PARP11: variants seen among roughly 807,000 people sequenced by gnomAD.
PARP11 encodes the protein poly(ADP-ribose) polymerase family member 11, also known as protein mono-ADP-ribosyltransferase PARP11.
In PARP11, 31 loss-of-function variants were observed where a neutral mutation model predicts 42.9. That is an observed-to-expected ratio of 0.72 (90% confidence interval 0.54 to 0.98). The LOEUF is 0.98. Ranked by LOEUF, PARP11 falls within the 50% of genes least tolerant of loss-of-function variation. PARP11 has a pLI of 0.00. For missense variants in PARP11, 365 were observed against 413.1 expected (o/e 0.88, Z 1.01); for synonymous variants, 137 against 127.3 (o/e 1.08, Z -0.51).
Position 3,873,386 on chromosome 12 carries a change from A to C in PARP11, c.-157T>G, listed in dbSNP as rs935129048. ...CTCCTCCCCCTCCCTGTCACAAGCC[A>C]GCGTTTACAGACCACCCAACCTCCC... On this transcript the variant is annotated 5_prime_UTR_variant, in exon 1 of 8. Coordinates refer to ENST00000228820, the MANE Select transcript of PARP11 (RefSeq NM_020367.6). The C allele has an allele frequency of 7.2e-6, 5 of 696,576 alleles. No homozygotes were observed. The highest frequency in any genetic ancestry group is 1.3e-5 in the Non-Finnish European group (5 of 395,624). 43.1% of individuals were successfully genotyped at this position (696,576 alleles called of 1,614,324 possible).
rs536636056 is a variant in PARP11, at chr12:3,871,348, C to T, written c.18+1864G>A. ...ACCATGGATCGCATATACAAGTGGT[C>T]CCAAAGATTGTTAACACTTTATTTT... On this transcript the variant is annotated intron_variant, in intron 1 of 7. Transcript: ENST00000228820. Among the ~76,000 whole-genome samples, 4 of 152,270 alleles carry T rather than the reference C, an allele frequency of 2.6e-5. No homozygotes were observed. The South Asian group carries it at 8.3e-4, about 32-fold the overall frequency.
intron 7 of PARP11, 23 bp downstream of exon 7, chr12:3,814,014 G>C: frequency 2.0e-6 from 3 of 1,522,766 alleles, no homozygotes; most frequent in Non-Finnish European, 2.7e-6. Context: ...GGCTCAAATT[G>C]GACCTGGAAT....
chr12:3,820,387 G>A (rs576191431), intron 6 of PARP11, among the ~76,000 whole-genome samples: 11 of 152,272 alleles, frequency 7.2e-5, no homozygotes, highest in Admixed American at 2.6e-4. Flanking sequence ...CCCTTATAAT[G>A]AGACTCAGTA....
chr12:3,817,897 G>A (rs746041057), intron 6 of PARP11, among the ~76,000 whole-genome samples: 4 of 152,114 alleles, frequency 2.6e-5, no homozygotes, highest in African/African-American at 7.2e-5. Flanking sequence ...GATCTGTGGC[G>A]GGTGACAGGT....
rs529994873 is a variant in PARP11 at position 3,855,526 on chromosome 12, T to C, written c.18+17686A>G. ...ATCATGAGTGAACTCCCATTCACAA[T>C]TGCTACAAAGAGAATAAAATACCTA... On this transcript the variant is annotated intron_variant, in intron 1 of 7. Coordinates refer to ENST00000228820, the MANE Select transcript of PARP11 (RefSeq NM_020367.6). 3.3e-5 allele frequency among the ~76,000 whole-genome samples: 5 copies of C among 152,298 alleles called. No individual in the cohort carries two copies. In the East Asian group the frequency reaches 7.7e-4, roughly 23 times the overall value.
intron 1 of PARP11, among the ~76,000 whole-genome samples, chr12:3,848,326 GAACC>G (rs986601214): frequency 2.6e-5 from 4 of 151,982 alleles, no homozygotes; most frequent in Non-Finnish European, 5.9e-5. Flanking sequence ...AATTTATATA[GAACC>G]ACAAAAGACC....
chr12:3,812,077 C>T lies in PARP11; in HGVS notation c.*46G>A, dbSNP rs561096087. 1.5e-5 allele frequency: 21 copies of T among 1,425,206 alleles called. No individual in the cohort carries two copies. The South Asian group carries it at 2.8e-4, about 19-fold the overall frequency. The allele number at this position is 1,425,206 out of a possible 1,614,324, so 88.3% of individuals were successfully genotyped here. On this transcript the variant is annotated 3_prime_UTR_variant, in exon 8 of 8. Coordinates refer to ENST00000228820, the MANE Select transcript of PARP11 (RefSeq NM_020367.6). ...GATGACTGAAGAGCAAACCTTCCTGCAAAAAAGAATAAAGCTTCCTTGACC... is the reference window on the plus strand; with the variant it reads ...GATGACTGAAGAGCAAACCTTCCTGTAAAAAAGAATAAAGCTTCCTTGACC...
chr12:3,814,857 TA>T (rs1420766600), intron 6 of PARP11: 2 of 290,086 alleles, frequency 6.9e-6, no homozygotes, highest in Non-Finnish European at 1.4e-5. Flanking sequence ...ATTAACATAG[TA>T]AATCTTAAAA....
At chr12:3,846,777 G>T (rs200456536) in intron 1 of PARP11, among the ~76,000 whole-genome samples, 1 of 99,044 alleles carries the variant, frequency 1.0e-5, no homozygotes, top group Non-Finnish European at 2.0e-5. Context: ...AAAAAGAAAA[G>T]AAAAAAGAAA....
intron 1 of PARP11, among the ~76,000 whole-genome samples, chr12:3,831,507 A>G (rs184916274): frequency 3.9e-5 from 6 of 152,278 alleles, no homozygotes; most frequent in African/African-American, 1.4e-4. Context: ...TCACAAAATG[A>G]AAAATGATAG....
chr12:3,847,606 T>C (rs963039298), intron 1 of PARP11, among the ~76,000 whole-genome samples: 5 of 152,206 alleles, frequency 3.3e-5, no homozygotes, highest in Non-Finnish European at 7.3e-5. Flanking sequence ...TTTAAAAGCA[T>C]TTGATAAAAT....
intron 6 of PARP11, among the ~76,000 whole-genome samples, chr12:3,820,849 A>G (rs1326112500): frequency 2.6e-5 from 4 of 152,232 alleles, no homozygotes; most frequent in African/African-American, 9.6e-5. Context: ...TAAAGAACAC[A>G]AGCTGAAAGC....
intron 1 of PARP11, among the ~76,000 whole-genome samples, chr12:3,853,343 T>C (rs1051652760): frequency 7.2e-5 from 11 of 152,012 alleles, no homozygotes; most frequent in Admixed American, 2.6e-4. Context: ...GACTGGCAAA[T>C]TGGATAAAGA....
chr12:3,857,513 A>C (rs1227688327), intron 1 of PARP11, among the ~76,000 whole-genome samples: 1 of 152,206 alleles, frequency 6.6e-6, no homozygotes, highest in East Asian at 1.9e-4. Flanking sequence ...TAAGGATGCC[A>C]AAGACAGAAT....
chr12:3,835,143 C>T (rs562785024), intron 1 of PARP11, among the ~76,000 whole-genome samples: 57 of 152,204 alleles, frequency 3.7e-4, no homozygotes, highest in African/African-American at 1.3e-3. Context: ...ATGTAAACTC[C>T]CTGAACTATA....
chr12:3,812,889 G>A (rs1485589662), intron 7 of PARP11, among the ~76,000 whole-genome samples: 1 of 152,038 alleles, frequency 6.6e-6, no homozygotes, highest in Non-Finnish European at 1.5e-5. Context: ...TGCAACCTCC[G>A]CCTCCCAGGT....
chr12:3,861,268 A>G lies in PARP11; in HGVS notation c.18+11944T>C, dbSNP rs898328650. On this transcript the variant is annotated intron_variant, in intron 1 of 7. Transcript: ENST00000228820. The surrounding 1 kb of genome is among the most constrained non-coding windows in gnomAD (Gnocchi z 4.6). ...GTCCTTGCCAAATTATTATGTTGAA[A>G]TTCTAACTCCTAATGTGATATGAAA... Among the ~76,000 whole-genome samples, 1 of 152,198 alleles carries G rather than the reference A, an allele frequency of 6.6e-6. No homozygotes were observed. The highest frequency in any genetic ancestry group is 6.5e-5 in the Admixed American group (1 of 15,288).
At chr12:3,856,093 C>T (rs1347798821) in intron 1 of PARP11, among the ~76,000 whole-genome samples, 1 of 152,138 alleles carries the variant, frequency 6.6e-6, no homozygotes, top group Non-Finnish European at 1.5e-5. Context: ...AACTGGATCC[C>T]TTCCTTACAC....
rs1345625935 is a variant in PARP11, at chr12:3,822,283, C to G, written c.345-126G>C. 3 of 711,536 alleles carry G rather than the reference C, an allele frequency of 4.2e-6. No individual in the cohort carries two copies. The African/African-American group carries it at 5.4e-5, about 13-fold the overall frequency. 44.1% of individuals were successfully genotyped at this position (711,536 alleles called of 1,614,324 possible). On this transcript the variant is annotated intron_variant, in intron 4 of 7. Transcript: ENST00000228820. The stretch of plus-strand genomic sequence containing the variant: ...TGTGACAAATGCAATTAAATACAGC[C>G]TTCCGTTTCTTCATTTAAAAATTAT...
Sources: allele counts gnomAD v4.1 joint callset (sites outside exome capture counted in the v4.1 genomes callset), GRCh38; gene constraint gnomAD v4.1.1; non-coding constraint Gnocchi (gnomAD v3.1); transcripts MANE v1.5; gene names NCBI Gene and HGNC (gene_info 2026-07-23, HGNC 2026-07-21).